The following SGK3 variants were observed in gnomAD, a reference collection of about 807,000 sequenced individuals.
SGK3 encodes serine/threonine-protein kinase Sgk3.
SGK3 carries 47 observed loss-of-function variants against 68.5 expected under a neutral mutation model. The observed-to-expected ratio is 0.69, with a 90% CI of 0.54 to 0.87. The LOEUF is 0.87. Among genes scored for constraint, SGK3 ranks in the 40% least tolerant of loss-of-function variants. SGK3 has a pLI of 0.00. For missense variants in SGK3, 479 were observed against 575.5 expected, an observed-to-expected ratio of 0.83 and a Z score of 1.72; for synonymous variants, 181 against 189.1, an observed-to-expected ratio of 0.96 and a Z score of 0.35.
At chr8:66,723,109 ATATATATATATATATATATATATTTT>A (rs1161919327) in intron 1 of SGK3, among the ~76,000 whole-genome samples, 1 of 42,340 alleles carries the variant, frequency 2.4e-5, no homozygotes, top group Non-Finnish European at 4.7e-5. Flanking sequence ...ATATATATAT[ATATATATATATATATATATATATTTT>A]TTTTTTTTTT....
chr8:66,839,498 GATATATATATATATATAT>G (rs58832541), intron 10 of SGK3, among the ~76,000 whole-genome samples: 1,003 of 41,464 alleles, frequency 0.024, 28 homozygotes, highest in Admixed American at 0.034. Context: ...TATGTATGGA[GATATATATATATATATAT>G]ATATATATAT....
intron 1 of SGK3, among the ~76,000 whole-genome samples, chr8:66,723,143 T>A (rs1334581086): frequency 2.4e-5 from 3 of 122,704 alleles, no homozygotes; most frequent in African/African-American, 9.0e-5. Context: ...TTTTTTTTTT[T>A]TTTTTTTTTG....
chr8:66,739,775 A>G (rs1369919286), intron 1 of SGK3, among the ~76,000 whole-genome samples: 3 of 152,230 alleles, frequency 2.0e-5, no homozygotes, highest in African/African-American at 4.8e-5. Context: ...GAACCTTACA[A>G]TCATGGTGGA....
chr8:66,714,188 T>G (rs1311891862), intron 1 of SGK3, among the ~76,000 whole-genome samples: 1 of 152,254 alleles, frequency 6.6e-6, no homozygotes, highest in African/African-American at 2.4e-5. Flanking sequence ...GAGGGTCAGA[T>G]TGAACTTGAA....
intron 5 of SGK3, among the ~76,000 whole-genome samples, chr8:66,819,983 A>G (rs968837960): frequency 6.6e-6 from 1 of 151,912 alleles, no homozygotes; most frequent in South Asian, 2.1e-4. Context: ...ACATCCGGCT[A>G]ACTTTTGTAT....
intron 13 of SGK3, among the ~76,000 whole-genome samples, 179 bp downstream of exon 13, chr8:66,841,289 T>A (rs1391458943): frequency 6.6e-6 from 1 of 152,230 alleles, no homozygotes; most frequent in Admixed American, 6.5e-5. Context: ...TAACTGTGAT[T>A]GTTAGATACT....
At chr8:66,824,873 AAGT>A (rs1808989417) in intron 6 of SGK3, among the ~76,000 whole-genome samples, 1 of 152,244 alleles carries the variant, frequency 6.6e-6, no homozygotes, top group Non-Finnish European at 1.5e-5. Context: ...TACTATATGA[AAGT>A]AGTGTAAATA....
chr8:66,766,922 G>A (rs557566314), intron 1 of SGK3, among the ~76,000 whole-genome samples: 1 of 152,220 alleles, frequency 6.6e-6, no homozygotes, highest in South Asian at 2.1e-4. Context: ...CGCGATCTCC[G>A]CCCACCGCAA....
chr8:66,779,798 AT>A (rs1270706359), intron 1 of SGK3, among the ~76,000 whole-genome samples: 1 of 151,172 alleles, frequency 6.6e-6, no homozygotes, highest in Non-Finnish European at 1.5e-5. Context: ...AAGTAGTATA[AT>A]TTAAATAAGT....
chr8:66,824,849 A>C (rs894619561), intron 6 of SGK3, among the ~76,000 whole-genome samples: 5 of 152,228 alleles, frequency 3.3e-5, no homozygotes, highest in African/African-American at 4.8e-5. Flanking sequence ...CAGTTTTTTA[A>C]AAAGATATGC....
chr8:66,834,500 T>TTTTG (rs1563651876), intron 8 of SGK3, among the ~76,000 whole-genome samples: 1 of 146,692 alleles, frequency 6.8e-6, no homozygotes, highest in African/African-American at 2.7e-5. Flanking sequence ...GTTTTGTTTT[T>TTTTG]TTGAACTGCA....
chr8:66,834,632 A>G (rs1371225050), intron 8 of SGK3, among the ~76,000 whole-genome samples: 2 of 152,136 alleles, frequency 1.3e-5, no homozygotes, highest in Non-Finnish European at 2.9e-5. Context: ...AGAAACCAAC[A>G]AAGTGCACTC....
chr8:66,798,414 A>G (rs1272508911), intron 2 of SGK3, 128 bp from the exon 3 acceptor site: 4 of 656,316 alleles, frequency 6.1e-6, no homozygotes, highest in Non-Finnish European at 1.0e-5. Context: ...TGAAAACATC[A>G]GCCTTGGTGA....
At chr8:66,797,020 A>G (rs1467645093) in intron 2 of SGK3, among the ~76,000 whole-genome samples, 1 of 151,652 alleles carries the variant, frequency 6.6e-6, no homozygotes, top group Non-Finnish European at 1.5e-5. Flanking sequence ...TTATTAGTAC[A>G]TATTTAATAA....
At chr8:66,837,747 G>C (rs1298925047) in intron 10 of SGK3, among the ~76,000 whole-genome samples, 1 of 152,064 alleles carries the variant, frequency 6.6e-6, no homozygotes, top group Non-Finnish European at 1.5e-5. Flanking sequence ...TCACACAACT[G>C]TACTCCAGCC....
In SGK3 at chr8:66,749,932, G is replaced by GGTGTGTGTGT. The variant is rs139702561; in HGVS notation, c.-122+37124_-122+37133dup. On this transcript the variant is annotated intron_variant, in intron 1 of 16. Coordinates refer to ENST00000521198, the MANE Select transcript of SGK3 (RefSeq NM_001033578.3). ...GCCTCTGCCTGGAAATAGTTTCTAGGGTGTGTGTGTGTGTGTGTGTGTGTG... is the reference window on the plus strand; with the variant it reads ...GCCTCTGCCTGGAAATAGTTTCTAGGGTGTGTGTGTGTGTGTGTGTGTGTGTGTGTGTGTG... Among the ~76,000 whole-genome samples, 272 of 144,908 alleles carry GGTGTGTGTGT rather than the reference G, an allele frequency of 1.9e-3. 1 individual carries two copies. The highest frequency in any genetic ancestry group is 6.4e-3 in the African/African-American group (254 of 39,538).
intron 4 of SGK3, among the ~76,000 whole-genome samples, chr8:66,806,415 C>T (rs540130975): frequency 8.2e-4 from 125 of 152,198 alleles, no homozygotes; most frequent in Non-Finnish European, 1.5e-3. Flanking sequence ...TAAAGAGAAG[C>T]AAGAGAAAAT....
chr8:66,753,463 C>G (rs879544570), intron 1 of SGK3, among the ~76,000 whole-genome samples: 5 of 152,184 alleles, frequency 3.3e-5, no homozygotes, highest in Non-Finnish European at 7.3e-5. Context: ...GGGGAAGATA[C>G]TCGTAAATTG....
At position 66,795,870 on chromosome 8, in the gene SGK3, A is replaced by G. The variant is rs142369113; in HGVS notation, c.96+2038A>G. Among the ~76,000 whole-genome samples the G allele has an allele frequency of 2.9e-3, 443 of 151,944 alleles. 3 individuals carry two copies. Among genetic ancestry groups the G allele is most frequent in the African/African-American group, 0.01 (431 of 41,394 alleles). On this transcript the variant is annotated intron_variant, in intron 2 of 16. Transcript: ENST00000521198. The stretch of plus-strand genomic sequence containing the variant: ...CCTGCTTTCCCTCCTGCCACATTTT[A>G]TGTTTGTTTATATGTGCCTTCTTTG...
Sources: allele counts gnomAD v4.1 joint callset (sites outside exome capture counted in the v4.1 genomes callset), GRCh38; gene constraint gnomAD v4.1.1; transcripts MANE v1.5; gene names NCBI Gene and HGNC (gene_info 2026-07-23, HGNC 2026-07-21).